Variants in DMD observed in about 807,000 individuals in gnomAD.
DMD encodes dystrophin.
DMD carries 63 observed loss-of-function variants against 330.1 expected under a neutral mutation model. The observed-to-expected ratio is 0.19, with a 90% CI of 0.16 to 0.24. DMD has a LOEUF of 0.24. Among genes scored for constraint, DMD ranks in the 10% least tolerant of loss-of-function variants. The probability of loss-of-function intolerance (pLI) is 1.00; values close to 1 mark genes in which losing one functional copy is unlikely to be tolerated. For synonymous variants in DMD, 1,223 were observed against 959.8 expected, an observed-to-expected ratio of 1.27 and a Z score of -5.07; for missense variants, 3,344 against 2,684.1, an observed-to-expected ratio of 1.25 and a Z score of -5.43.
chrX:32,673,867 G>C (rs773059889), intron 9 of DMD, among the ~76,000 whole-genome samples: 1 of 111,796 alleles, frequency 8.9e-6, no homozygotes, highest in East Asian at 2.8e-4. Context: ...CATAGAATTT[G>C]GGTTACTGGG....
rs142929904 is a variant in DMD at position 31,910,901 on chromosome X, A to T, written c.6912+18695T>A. Among the ~76,000 whole-genome samples, 1,061 of 112,275 alleles carry T rather than the reference A, an allele frequency of 9.5e-3. 16 individuals are homozygous for T. Among genetic ancestry groups the T allele is most frequent in the African/African-American group, 0.031 (966 of 30,918 alleles). ...CAGAAGATTTCTATAGCTGAATGACACAGGGGTTGGAAACCCAGGGCTAAA... is the reference window on the plus strand; with the variant it reads ...CAGAAGATTTCTATAGCTGAATGACTCAGGGGTTGGAAACCCAGGGCTAAA... On this transcript the variant is annotated intron_variant, in intron 47 of 78. Coordinates refer to ENST00000357033, the MANE Select transcript of DMD (RefSeq NM_004006.3).
intron 2 of DMD, among the ~76,000 whole-genome samples, chrX:32,972,229 G>C (rs2092407619): frequency 9.0e-6 from 1 of 111,205 alleles, no homozygotes; most frequent in African/African-American, 3.3e-5. Flanking sequence ...CCAGGCTGGA[G>C]TGCGATGGTG....
At position 33,020,129 on chromosome X, in the gene DMD, C is replaced by T. The variant is rs1269617727; in HGVS notation, c.93+10G>A. On this transcript the variant is annotated intron_variant, in intron 2 of 78. Transcript: ENST00000357033. ...TAGATCTTAAAAGTAAAGTAACAAA[C>T]CATTCTTACCTTAGAAAATTGTGCA... The T allele has an allele frequency of 8.5e-7, 1 of 1,174,751 alleles. No homozygotes were observed. Among genetic ancestry groups the T allele is most frequent in the East Asian group, 3.0e-5 (1 of 33,228 alleles).
At chrX:32,083,795 G>GCTCTTCTGTTCTAGCCTC (rs1431421048) in intron 44 of DMD, among the ~76,000 whole-genome samples, 1 of 112,597 alleles carries the variant, frequency 8.9e-6, no homozygotes, top group African/African-American at 3.2e-5. Flanking sequence ...ACTTCTGCCT[G>GCTCTTCTGTTCTAGCCTC]CTCTTCTGTT....
intron 51 of DMD, among the ~76,000 whole-genome samples, chrX:31,754,202 G>C (rs1368326633): frequency 1.8e-5 from 2 of 111,494 alleles, no homozygotes; most frequent in Non-Finnish European, 3.8e-5. Flanking sequence ...CTGACAAGTA[G>C]TGTACGATTA....
chrX:32,898,674 G>A (rs900841963), intron 2 of DMD, among the ~76,000 whole-genome samples: 14 of 111,864 alleles, frequency 1.3e-4, no homozygotes, highest in Non-Finnish European at 2.3e-4. Context: ...CATGTCCTTT[G>A]TAAACTGTCA....
At chrX:31,125,074 G>A (rs1239564726) in intron 78 of DMD, among the ~76,000 whole-genome samples, 3 of 110,246 alleles carry the variant, frequency 2.7e-5, no homozygotes, top group African/African-American at 1.0e-4. Context: ...GTCTGCAAAT[G>A]CCTATATAAC....
chrX:32,205,434 T>C (rs1219054946), intron 44 of DMD, among the ~76,000 whole-genome samples: 3 of 109,412 alleles, frequency 2.7e-5, no homozygotes, highest in Non-Finnish European at 3.8e-5. Context: ...TCTATGAAGC[T>C]TTCCCAATTC....
chrX:32,989,693 C>G (rs952038302), intron 2 of DMD, among the ~76,000 whole-genome samples: 1 of 111,400 alleles, frequency 9.0e-6, no homozygotes. Flanking sequence ...CATTTTCTTA[C>G]CATTAAATTT....
At position 31,252,736 on chromosome X, in the gene DMD, A is replaced by T. The variant is rs183534936; in HGVS notation, c.9286+8219T>A. Among the ~76,000 whole-genome samples, 170 of 112,681 alleles carry T rather than the reference A, an allele frequency of 1.5e-3. 1 individual carries two copies. Among genetic ancestry groups the T allele is most frequent in the African/African-American group, 5.3e-3 (165 of 31,131 alleles). On this transcript the variant is annotated intron_variant, in intron 63 of 78. Coordinates refer to ENST00000357033, the MANE Select transcript of DMD (RefSeq NM_004006.3). ...ATTATTACAAATATGATTATAGGCT[A>T]GGAGCGGTGGCTCACGCCTGTAATC...
At chrX:32,318,774 C>T (rs763794080) in intron 41 of DMD, among the ~76,000 whole-genome samples, 2 of 111,574 alleles carry the variant, frequency 1.8e-5, no homozygotes, top group South Asian at 7.5e-4. Context: ...ATCCTTTATG[C>T]CCATATTATT....
intron 30 of DMD, among the ~76,000 whole-genome samples, chrX:32,404,271 A>G (rs2098104438): frequency 9.0e-6 from 1 of 111,639 alleles, no homozygotes; most frequent in Admixed American, 9.6e-5. Flanking sequence ...CACATTGTTA[A>G]TGGGAGGGAA....
chrX:32,723,698 T>G (rs777767722), intron 7 of DMD, among the ~76,000 whole-genome samples: 1 of 111,017 alleles, frequency 9.0e-6, no homozygotes, highest in Admixed American at 9.7e-5. Flanking sequence ...TGGAAGATAA[T>G]GGATAGGATA....
intron 45 of DMD, among the ~76,000 whole-genome samples, chrX:31,945,340 T>C (rs1249532751): frequency 1.8e-5 from 2 of 112,060 alleles, no homozygotes; most frequent in African/African-American, 3.2e-5. Flanking sequence ...CTTTTTTTTA[T>C]TGTTTTTATT....
chrX:32,857,513 C>G (rs767262036), intron 2 of DMD, among the ~76,000 whole-genome samples: 1 of 112,133 alleles, frequency 8.9e-6, no homozygotes, highest in South Asian at 3.7e-4. Flanking sequence ...CTGAGCAAAG[C>G]ATGACTTTTA....
intron 43 of DMD, among the ~76,000 whole-genome samples, chrX:32,223,421 A>T (rs960205750): frequency 3.6e-5 from 4 of 112,112 alleles, no homozygotes; most frequent in Non-Finnish European, 7.5e-5. Flanking sequence ...ATTTGGAAAG[A>T]GACACATTCA....
At chrX:33,130,356 G>A (rs1359901763) in intron 1 of DMD, among the ~76,000 whole-genome samples, 1 of 110,866 alleles carries the variant, frequency 9.0e-6, no homozygotes, top group Non-Finnish European at 1.9e-5. Flanking sequence ...TCCTTTTAGC[G>A]GAAGACACTT....
intron 43 of DMD, among the ~76,000 whole-genome samples, chrX:32,263,879 A>G (rs1056442629): frequency 4.5e-5 from 5 of 111,964 alleles, no homozygotes; most frequent in African/African-American, 1.3e-4. Flanking sequence ...AAAATATTTT[A>G]TATATTTGAC....
At chrX:32,434,941 C>G (rs2098253616) in intron 29 of DMD, among the ~76,000 whole-genome samples, 2 of 110,676 alleles carry the variant, frequency 1.8e-5, no homozygotes, top group Non-Finnish European at 1.9e-5. Flanking sequence ...TGTCAAATAA[C>G]TCCCAGGTTA....
Sources: gnomAD v4.1 joint callset for allele counts (sites outside exome capture counted in the v4.1 genomes callset) on GRCh38, gnomAD v4.1.1 for gene constraint, MANE v1.5 for transcripts, NCBI Gene and HGNC (gene_info 2026-07-23, HGNC 2026-07-21) for gene names.